Variants in PTPRR observed in about 807,000 individuals in gnomAD.
The protein encoded by PTPRR is protein tyrosine phosphatase receptor type R.
A neutral mutation model predicts 77.2 loss-of-function variants in PTPRR; 38 were observed. That is an observed-to-expected ratio of 0.49 (90% CI 0.38 to 0.65). The LOEUF is 0.65. PTPRR is among the 30% of genes least tolerant of loss of function. PTPRR has a pLI of 0.00. For synonymous variants in PTPRR, 299 were observed against 283.1 expected (o/e 1.06, Z -0.57); for missense variants, 744 against 799.2 (o/e 0.93, Z 0.83).
chr12:70,858,475 T>C (rs145953062), intron 2 of PTPRR, among the ~76,000 whole-genome samples: 1 of 152,180 alleles, frequency 6.6e-6, no homozygotes, highest in Non-Finnish European at 1.5e-5. Flanking sequence ...GGAATGTTTC[T>C]CTTGAAGGTC....
At chr12:70,665,718 G>T (rs1321308487) in intron 10 of PTPRR, among the ~76,000 whole-genome samples, 3 of 150,878 alleles carry the variant, frequency 2.0e-5, no homozygotes, top group African/African-American at 7.3e-5. Flanking sequence ...TTCTTCCCTT[G>T]ATTCTCCTTC....
intron 2 of PTPRR, among the ~76,000 whole-genome samples, chr12:70,828,797 C>T (rs74885092): frequency 6.6e-6 from 1 of 152,174 alleles, no homozygotes; most frequent in Admixed American, 6.5e-5. Flanking sequence ...TCAGAATAAA[C>T]CACTTAATGT....
intron 1 of PTPRR, among the ~76,000 whole-genome samples, chr12:70,900,614 G>T (rs932754035): frequency 6.6e-6 from 1 of 151,490 alleles, no homozygotes. Flanking sequence ...GAAAATATTT[G>T]CAAACCACAC....
intron 2 of PTPRR, among the ~76,000 whole-genome samples, chr12:70,889,879 C>T (rs868024712): frequency 1.3e-5 from 2 of 152,052 alleles, no homozygotes; most frequent in South Asian, 2.1e-4. Context: ...ATTTCCATGC[C>T]GTTTCACTGA....
intron 2 of PTPRR, among the ~76,000 whole-genome samples, chr12:70,828,907 G>C (rs1565711261): frequency 6.6e-6 from 1 of 152,172 alleles, no homozygotes; most frequent in Non-Finnish European, 1.5e-5. Flanking sequence ...TTACTCATTT[G>C]AAATAAACAT....
intron 2 of PTPRR, among the ~76,000 whole-genome samples, chr12:70,791,615 G>T (rs1030273339): frequency 6.6e-6 from 1 of 152,096 alleles, no homozygotes; most frequent in Non-Finnish European, 1.5e-5. Context: ...CCTAAATAAT[G>T]CTTGGCTTAT....
chr12:70,732,753 G>A (rs1889706826), intron 6 of PTPRR, among the ~76,000 whole-genome samples: 1 of 151,992 alleles, frequency 6.6e-6, no homozygotes, highest in Non-Finnish European at 1.5e-5. Flanking sequence ...TAGAGATGGG[G>A]TTTCACCATG....
chr12:70,766,369 A>G lies in PTPRR; in HGVS notation c.358-1591T>C, dbSNP rs974659300. Among the ~76,000 whole-genome samples the G allele has an allele frequency of 9.9e-5, 15 of 152,240 alleles. No homozygotes were observed. The East Asian group carries it at 1.5e-3, about 16-fold the overall frequency. ...GGCTTGAGAACTACGTGAAGAATGC[A>G]GAAGCCTCAGGAGCTGATGCAATCA... is the stretch of plus-strand genomic sequence containing the variant. On this transcript the variant is annotated intron_variant, in intron 2 of 13. Coordinates refer to ENST00000283228, the MANE Select transcript of PTPRR (RefSeq NM_002849.4).
chr12:70,805,472 T>A (rs1271974402), intron 2 of PTPRR, among the ~76,000 whole-genome samples: 1 of 152,154 alleles, frequency 6.6e-6, no homozygotes, highest in South Asian at 2.1e-4. Context: ...TCCCACCTCA[T>A]CCTCCCAAGT....
intron 10 of PTPRR, among the ~76,000 whole-genome samples, chr12:70,683,483 G>A (rs1186763690): frequency 6.6e-6 from 1 of 152,042 alleles, no homozygotes; most frequent in African/African-American, 2.4e-5. Flanking sequence ...AAAGTTGATT[G>A]GTTTCTGTAA....
At chr12:70,781,527 G>A (rs1413588123) in intron 2 of PTPRR, among the ~76,000 whole-genome samples, 2 of 152,206 alleles carry the variant, frequency 1.3e-5, no homozygotes, top group Non-Finnish European at 2.9e-5. Flanking sequence ...CATGAAAAGT[G>A]CAAGTTCCCT....
rs1248863137 is a variant in PTPRR at position 70,891,849 on chromosome 12, CATTG to C, written c.357+826_357+829del. Among the ~76,000 whole-genome samples, 127 of 152,166 alleles carry C rather than the reference CATTG, an allele frequency of 8.3e-4. 2 individuals are homozygous for C. The highest frequency in any genetic ancestry group is 1.2e-4 in the Non-Finnish European group (8 of 67,980). On this transcript the variant is annotated intron_variant, in intron 2 of 13. Coordinates refer to ENST00000283228, the MANE Select transcript of PTPRR (RefSeq NM_002849.4). ...AGTTGCCAAAATGCAAACATGGTTT[CATTG>C]AATTATCTTGGCCACACAAATCAAC...
chr12:70,746,158 C>G (rs1204995496), intron 5 of PTPRR, 72 bp from the exon 6 acceptor site: 1 of 1,418,218 alleles, frequency 7.1e-7, no homozygotes, highest in Non-Finnish European at 9.5e-7. Context: ...TCCTCCACCC[C>G]ACCCTGGCCG....
At chr12:70,839,833 A>G (rs1045578978) in intron 2 of PTPRR, among the ~76,000 whole-genome samples, 1 of 152,156 alleles carries the variant, frequency 6.6e-6, no homozygotes, top group African/African-American at 2.4e-5. Context: ...ATTTGAGTTT[A>G]AAATTTCTTT....
At chr12:70,859,931 T>C (rs978134261) in intron 2 of PTPRR, among the ~76,000 whole-genome samples, 4 of 152,102 alleles carry the variant, frequency 2.6e-5, no homozygotes, top group African/African-American at 7.2e-5. Flanking sequence ...TTTTTTCCTT[T>C]TCTGTTATTG....
chr12:70,645,526 G>A (rs1886164042), intron 13 of PTPRR, among the ~76,000 whole-genome samples: 9 of 152,110 alleles, frequency 5.9e-5, no homozygotes, highest in Admixed American at 5.2e-4. Flanking sequence ...AAGTACCTTG[G>A]TTTGGATGAT....
intron 2 of PTPRR, among the ~76,000 whole-genome samples, chr12:70,869,379 G>A (rs952822313): frequency 2.0e-5 from 3 of 152,134 alleles, no homozygotes; most frequent in South Asian, 2.1e-4. Context: ...AGACTCACAC[G>A]AGGGGAACTC....
chr12:70,718,318 T>C (rs539014116), intron 6 of PTPRR, among the ~76,000 whole-genome samples: 1 of 151,816 alleles, frequency 6.6e-6, no homozygotes, highest in African/African-American at 2.4e-5. Context: ...GAGGTTGGAG[T>C]GCAATAGCAC....
intron 1 of PTPRR, among the ~76,000 whole-genome samples, chr12:70,895,822 T>G: frequency 6.6e-6 from 1 of 151,700 alleles, no homozygotes; most frequent in East Asian, 1.9e-4. Flanking sequence ...CCTCCTTCAC[T>G]TCAGCTTTAT....
Sources: gnomAD v4.1 joint callset for allele counts (sites outside exome capture counted in the v4.1 genomes callset) on GRCh38, gnomAD v4.1.1 for gene constraint, MANE v1.5 for transcripts, NCBI Gene and HGNC (gene_info 2026-07-23, HGNC 2026-07-21) for gene names.